Variants in EPHB4 observed in about 807,000 individuals in gnomAD.
EPHB4 encodes ephrin type-B receptor 4.
Under a neutral mutation model 110.6 loss-of-function variants are expected in EPHB4, and 50 were observed. That is an observed-to-expected ratio of 0.45 (90% CI 0.36 to 0.57). EPHB4 has a LOEUF of 0.57. EPHB4 is among the 20% of genes least tolerant of loss of function. The probability of loss-of-function intolerance (pLI) is 0.00; values close to 1 mark genes in which losing one functional copy is unlikely to be tolerated. For missense variants in EPHB4, 1,128 were observed against 1,382.1 expected (o/e 0.82, Z 2.91); for synonymous variants, 592 against 578.4 (o/e 1.02, Z -0.34).
Position 100,805,563 on chromosome 7 carries a change from G to T in EPHB4, c.2616C>A (p.Ser872Arg), listed in dbSNP as rs756917361. 1 of 1,541,302 alleles carries T rather than the reference G, an allele frequency of 6.5e-7. No individual in the cohort carries two copies. The highest frequency in any genetic ancestry group is 8.7e-7 in the Non-Finnish European group (1 of 1,145,458). ...NARPRFPQVV[S>R]ALDKMIRNPA... ...GGTTCCGGATCATCTTGTCCAGGGCGCTGACCACCTGGGGGAAGCGGGGCC... is the reference window on the plus strand; with the variant it reads ...GGTTCCGGATCATCTTGTCCAGGGCTCTGACCACCTGGGGGAAGCGGGGCC... The change falls in exon 15 of 17, where the codon AGC becomes AGA. Residue 872 changes from serine (S) to arginine (R), a missense_variant. Physicochemically the swap from Ser to Arg is moderately radical, Grantham distance 110 (BLOSUM62 -1). This residue lies in a region of EPHB4 where 209 missense variants were observed against 240.5 expected (regional missense o/e 0.87). Transcript: ENST00000358173.
At chr7:100,806,342 C>T (rs1812816900) in intron 14 of EPHB4, 78 bp downstream of exon 14, 1 of 1,530,080 alleles carries the variant, frequency 6.5e-7, no homozygotes, top group Non-Finnish European at 8.8e-7. Flanking sequence ...TGATGACTCT[C>T]TGGGAACCCA....
intron 8 of EPHB4, among the ~76,000 whole-genome samples, chr7:100,816,842 G>A (rs567987739): frequency 2.0e-4 from 31 of 152,080 alleles, no homozygotes; most frequent in Non-Finnish European, 4.1e-4. Context: ...CCAGCACTTC[G>A]GGAGGCCGAG....
intron 6 of EPHB4, 30 bp from the exon 7 acceptor site, chr7:100,818,674 T>C: frequency 2.5e-6 from 4 of 1,598,744 alleles, no homozygotes; most frequent in Non-Finnish European, 3.4e-6. Context: ...AGGGAACCCT[T>C]GTGCATGGTA....
At chr7:100,818,771 C>A (rs1009733285) in intron 6 of EPHB4, 127 bp from the exon 7 acceptor site, 27 of 1,197,284 alleles carry the variant, frequency 2.3e-5, no homozygotes, top group Non-Finnish European at 2.9e-5. Flanking sequence ...GGCGCAGTCT[C>A]AGCTTACTGC....
At position 100,827,498 on chromosome 7, in the gene EPHB4, G is replaced by C. The variant is rs1406713017; in HGVS notation, c.-468C>G. ...GCGCGGAGCCGGGCGGGCCGGGCCG[G>C]GCAGGGGCTGAGCTGCGCTGGAACT... On this transcript the variant is annotated 5_prime_UTR_variant, in exon 1 of 17. Transcript: ENST00000358173. 4 of 151,808 alleles carry C rather than the reference G, an allele frequency of 2.6e-5. No individual in the cohort carries two copies. The highest frequency in any genetic ancestry group is 2.6e-4 in the Admixed American group (4 of 15,184). 9.4% of individuals were successfully genotyped at this position (151,808 alleles called of 1,614,324 possible).
rs1466439333 is a variant in EPHB4, at chr7:100,823,947, GGTCA to G, written c.124-20_124-17del. ...GTTCCTCCCACTGTGCAGAGAAGGAGGTCAGCAAGGGGGCTGGGGAGCCGCCAGG... is the reference window on the plus strand; with the variant it reads ...GTTCCTCCCACTGTGCAGAGAAGGAGGCAAGGGGGCTGGGGAGCCGCCAGG... On this transcript the variant is annotated splice_polypyrimidine_tract_variant and intron_variant, in intron 2 of 16. Transcript: ENST00000358173. 6.4e-7 allele frequency: 1 copy of G among 1,561,920 alleles called. No homozygotes were observed. The highest frequency in any genetic ancestry group is 8.7e-7 in the Non-Finnish European group (1 of 1,151,584).
intron 12 of EPHB4, among the ~76,000 whole-genome samples, chr7:100,809,852 G>A (rs987459933): frequency 6.6e-6 from 1 of 152,174 alleles, no homozygotes; most frequent in African/African-American, 2.4e-5. Flanking sequence ...GGTGGCTCAC[G>A]CGTTTAATCC....
At position 100,813,047 on chromosome 7, in the gene EPHB4, C is replaced by T. The variant is rs755748965; in HGVS notation, c.1870+48G>A. 2.5e-6 allele frequency: 4 copies of T among 1,612,056 alleles called. No individual in the cohort carries two copies. The South Asian group carries it at 4.4e-5, about 18-fold the overall frequency. Reference sequence around the variant, plus strand: ...GCTCTCCCGCTCCAGTGTGGCCCTGCCCACCCCCGCTTCGTTCCCAGGTGC... The same window carrying T: ...GCTCTCCCGCTCCAGTGTGGCCCTGTCCACCCCCGCTTCGTTCCCAGGTGC... On this transcript the variant is annotated intron_variant, in intron 11 of 16. Transcript: ENST00000358173.
chr7:100,807,508 G>C lies in EPHB4; in HGVS notation c.2191C>G (p.Leu731Val). ...LRGIASGMRY[L>V]AEMSYVHRDL... is the part of the protein sequence containing the mutation. Reference sequence around the variant, plus strand: ...CGGTGGACGTAGCTCATCTCGGCAAGGTACCGCATGCCCGAGGCGATGCCC... The same window carrying C: ...CGGTGGACGTAGCTCATCTCGGCAACGTACCGCATGCCCGAGGCGATGCCC... Residue 731 changes from leucine to valine, a missense_variant, in exon 13 of 17, where the codon CTT (leucine) becomes GTT (valine). Around this residue, in one of 3 missense-constraint regions of EPHB4, gnomAD observed 191 missense variants for 313.0 expected, o/e 0.61. Coordinates refer to ENST00000358173, the MANE Select transcript of EPHB4 (RefSeq NM_004444.5). 6.2e-7 allele frequency: 1 copy of C among 1,614,126 alleles called. No homozygotes were observed. The highest frequency in any genetic ancestry group is 8.5e-7 in the Non-Finnish European group (1 of 1,180,022).
Position 100,823,697 on chromosome 7 carries a change from C to T in EPHB4, c.358G>A (p.Ala120Thr). The stretch of plus-strand genomic sequence containing the variant: ...GGCGTGAGGGCCGTGGCCGTGTCCG[C>T]ATCGCTCTCATAGTAGAAGACGGTG... Reference protein sequence around the residue: ...TFTVFYYESDADTATALTPAW... With the variant: ...TFTVFYYESDTDTATALTPAW... The change falls in exon 3 of 17, where the codon GCG becomes ACG. Residue 120 changes from alanine (A) to threonine (T), a missense_variant. Transcript: ENST00000358173. The T allele has an allele frequency of 6.2e-7, 1 of 1,613,566 alleles. No homozygotes were observed.
In EPHB4 at chr7:100,819,768, C is replaced by G. The variant is rs535100667; in HGVS notation, c.1086G>C (p.Arg362=). The change falls in exon 6 of 17, where the codon CGG becomes CGC. Residue 362 remains arginine (R), a synonymous_variant. Coordinates refer to ENST00000358173, the MANE Select transcript of EPHB4 (RefSeq NM_004444.5). ...REDLTYALRC[R]ECRPGGSCAP... is the part of the protein sequence containing the mutation. ...CACAGGAGCCTCCGGGTCGGCACTC[C>G]CGGCAGCGGAGGGCGTAGGTGAGGT... 1.0e-5 allele frequency: 16 copies of G among 1,595,812 alleles called. No homozygotes were observed. The Admixed American group carries it at 1.4e-4, about 14-fold the overall frequency.
At chr7:100,804,357 C>T (rs975388975) in intron 16 of EPHB4, among the ~76,000 whole-genome samples, 2 of 133,120 alleles carry the variant, frequency 1.5e-5, no homozygotes, top group South Asian at 2.5e-4. Flanking sequence ...CTCTGTCATC[C>T]AGGCTGGAGT....
At chr7:100,811,491 C>G (rs1812932488) in intron 12 of EPHB4, among the ~76,000 whole-genome samples, 1 of 152,108 alleles carries the variant, frequency 6.6e-6, no homozygotes, top group African/African-American at 2.4e-5. Context: ...GAGGAGAAAT[C>G]CAGTTTGCCG....
At chr7:100,803,933 G>A (rs1218821221) in intron 16 of EPHB4, among the ~76,000 whole-genome samples, 2 of 152,158 alleles carry the variant, frequency 1.3e-5, no homozygotes, top group Admixed American at 6.5e-5. Flanking sequence ...AGAAAAGGCC[G>A]AAGTGGGAGA....
intron 1 of EPHB4, 130 bp downstream of exon 1, chr7:100,826,849 T>G: frequency 9.0e-5 from 62 of 687,122 alleles, no homozygotes; most frequent in Non-Finnish European, 1.1e-4. Flanking sequence ...GCACTATCGG[T>G]CCGAAGTGTT....
rs150291524 is a variant in EPHB4, at chr7:100,818,586, C to G, written c.1356G>C (p.Leu452=). The G allele has an allele frequency of 1.9e-6, 3 of 1,613,738 alleles. No homozygotes were observed. Among genetic ancestry groups the G allele is most frequent in the Non-Finnish European group, 2.5e-6 (3 of 1,180,028 alleles). ...TGGGTGCCCGGGGAACAGCCCAGGC[C>G]AGGCTCAAGCTGCTGGGTGAGGACC... is the stretch of plus-strand genomic sequence containing the variant. ...VTRSSPSSLS[L]AWAVPRAPSG... is the part of the protein sequence containing the mutation. Residue 452 remains leucine, a synonymous_variant, in exon 7 of 17, where the codon CTG becomes CTC. Coordinates refer to ENST00000358173, the MANE Select transcript of EPHB4 (RefSeq NM_004444.5).
At chr7:100,813,752 A>C (rs761073283) in intron 9 of EPHB4, 36 bp from the exon 10 acceptor site, 9 of 1,613,742 alleles carry the variant, frequency 5.6e-6, no homozygotes, top group Non-Finnish European at 7.6e-6. Context: ...AGGTAAACTG[A>C]GTCACACATC....
At position 100,818,653 on chromosome 7, in the gene EPHB4, G is replaced by C. The variant is rs530205031; in HGVS notation, c.1298-9C>G. Reference sequence around the variant, plus strand: ...AGACACTGCAGGAGGTACTGTGAGAGGCAGAGACACAGGGAACCCTTGTGC... The same window carrying C: ...AGACACTGCAGGAGGTACTGTGAGACGCAGAGACACAGGGAACCCTTGTGC... On this transcript the variant is annotated splice_polypyrimidine_tract_variant and intron_variant, in intron 6 of 16. Transcript: ENST00000358173. The C allele has an allele frequency of 5.6e-6, 9 of 1,606,184 alleles. No homozygotes were observed. The East Asian group carries it at 1.8e-4, about 32-fold the overall frequency.
At chr7:100,819,520 C>A in intron 6 of EPHB4, 37 bp downstream of exon 6, 1 of 1,530,698 alleles carries the variant, frequency 6.5e-7, no homozygotes. Context: ...ACATCTCTCC[C>A]GCCAGACCAC....
Sources: allele counts gnomAD v4.1 joint callset (sites outside exome capture counted in the v4.1 genomes callset), GRCh38; gene constraint gnomAD v4.1.1; regional missense constraint gnomAD v4.1.1; transcripts MANE v1.5; gene names NCBI Gene and HGNC (gene_info 2026-07-23, HGNC 2026-07-21).